TACR1: variants seen among roughly 807,000 people sequenced by gnomAD.
The protein encoded by TACR1 is tachykinin receptor 1.
Under a neutral mutation model 35.8 loss-of-function variants are expected in TACR1, and 25 were observed. That is an observed-to-expected ratio of 0.70 (90% confidence interval 0.51 to 0.98). The LOEUF is 0.98. Among genes scored for constraint, TACR1 ranks in the 50% least tolerant of loss-of-function variants. The pLI is 0.00. For synonymous variants in TACR1, 195 were observed against 206.7 expected (o/e 0.94, Z 0.48); for missense variants, 478 against 522.9 (o/e 0.91, Z 0.84).
At chr2:75,068,566 T>C (rs1040389001) in intron 2 of TACR1, among the ~76,000 whole-genome samples, 7 of 152,202 alleles carry the variant, frequency 4.6e-5, no homozygotes, top group Non-Finnish European at 1.0e-4. Flanking sequence ...TATTAATAGC[T>C]GACACTGATA....
intron 1 of TACR1, among the ~76,000 whole-genome samples, chr2:75,139,304 G>A (rs1039472175): frequency 3.3e-5 from 5 of 152,178 alleles, no homozygotes; most frequent in South Asian, 2.1e-4. Flanking sequence ...TTTGCCTCAG[G>A]TCACACTGCT....
rs1491102755 is a variant in TACR1 at position 75,094,860 on chromosome 2, T to TATATATATATA, written c.584+25713_584+25714insTATATATATAT. 4.0e-3 allele frequency among the ~76,000 whole-genome samples: 203 copies of TATATATATATA among 50,350 alleles called. 1 individual carries two copies. The highest frequency in any genetic ancestry group is 0.031 in the East Asian group (84 of 2,742). The allele number at this position is 50,350 out of a possible 152,430, so 33.0% of individuals were successfully genotyped here. A position where few individuals can be genotyped will look rare whatever the true frequency, so the allele number is the denominator to read the frequency against. ...AAACATATATATATATATATATATA[T>TATATATATATA]TTTTTTTTTTTTTGCCCAAGATGGC... On this transcript the variant is annotated intron_variant, in intron 2 of 4. Coordinates refer to ENST00000305249, the MANE Select transcript of TACR1 (RefSeq NM_001058.4).
chr2:75,198,722 C>T lies in TACR1; in HGVS notation c.213G>A (p.Leu71=). The T allele has an allele frequency of 6.2e-7, 1 of 1,614,184 alleles. No homozygotes were observed. The highest frequency in any genetic ancestry group is 8.5e-7 in the Non-Finnish European group (1 of 1,180,022). ...AGGCCTCCGCGAAGGCCAGGTTCAC[C>T]AGAAAATAGTTCGTCACTGTCCTCA... The part of the protein sequence containing the change: ...KRMRTVTNYF[L]VNLAFAEASM... Residue 71 remains leucine, a synonymous_variant, in exon 1 of 5, where the codon CTG becomes CTA. Transcript: ENST00000305249.
At chr2:75,194,770 G>A (rs1416416946) in intron 1 of TACR1, among the ~76,000 whole-genome samples, 2 of 152,174 alleles carry the variant, frequency 1.3e-5, no homozygotes, top group Non-Finnish European at 2.9e-5. Context: ...GTGAGCAACT[G>A]CTACCTTTCA....
At chr2:75,154,406 G>GCGCGCGCGCGCGCGCGCACACA (rs1264139655) in intron 1 of TACR1, 1 of 78,514 alleles carries the variant, frequency 1.3e-5, no homozygotes, top group Admixed American at 1.3e-4. Flanking sequence ...CCAAGAGCGC[G>GCGCGCGCGCGCGCGCGCACACA]CACGCACACA....
Position 75,198,551 on chromosome 2 carries a change from A to G in TACR1, c.384T>C (p.Phe128=). The change falls in exon 1 of 5, where the codon TTT becomes TTC. Residue 128 remains phenylalanine, a synonymous_variant. Transcript: ENST00000305249. ...TTCACAAAGGCTAATCTCACCTATCAAAGGCCACAGCCGTCATGGAGTAGA... is the reference window on the plus strand; with the variant it reads ...TTCACAAAGGCTAATCTCACCTATCGAAGGCCACAGCCGTCATGGAGTAGA... ...ASIYSMTAVA[F]DRYMAIIHPL... is the part of the protein sequence containing the mutation. 1 of 1,612,262 alleles carries G rather than the reference A, an allele frequency of 6.2e-7. No homozygotes were observed. The highest frequency in any genetic ancestry group is 8.5e-7 in the Non-Finnish European group (1 of 1,178,406).
At chr2:75,154,526 A>ACACACACACACACACACACACACTCT (rs1379600710) in intron 1 of TACR1, 1 of 117,144 alleles carries the variant, frequency 8.5e-6, no homozygotes, top group African/African-American at 4.5e-5. Context: ...ACACACACAC[A>ACACACACACACACACACACACACTCT]CTCTCTGAAG....
At chr2:75,124,071 C>T (rs1237422185) in intron 1 of TACR1, among the ~76,000 whole-genome samples, 3 of 152,142 alleles carry the variant, frequency 2.0e-5, no homozygotes, top group Non-Finnish European at 4.4e-5. Flanking sequence ...AGGCTGCCAG[C>T]GACAGGGATC....
At chr2:75,136,112 T>A (rs543977668) in intron 1 of TACR1, among the ~76,000 whole-genome samples, 1 of 152,074 alleles carries the variant, frequency 6.6e-6, no homozygotes, top group Non-Finnish European at 1.5e-5. Context: ...TGGGCAGGGG[T>A]TGGCGGAACT....
chr2:75,066,971 C>T (rs999361204), intron 2 of TACR1, among the ~76,000 whole-genome samples: 28 of 152,092 alleles, frequency 1.8e-4, no homozygotes, highest in African/African-American at 6.5e-4. Flanking sequence ...GCAACCTCCT[C>T]GTCTTACAAA....
intron 1 of TACR1, among the ~76,000 whole-genome samples, chr2:75,137,364 A>C (rs1674312752): frequency 6.6e-6 from 1 of 152,228 alleles, no homozygotes; most frequent in African/African-American, 2.4e-5. Context: ...ATATAGGTAG[A>C]GTGGTCACGC....
intron 1 of TACR1, chr2:75,154,401 A>AGCGCTC: frequency 1.3e-5 from 1 of 76,444 alleles, no homozygotes; most frequent in Non-Finnish European, 2.7e-5. Context: ...ATCAGCCAAG[A>AGCGCTC]GCGCGCACGC....
intron 1 of TACR1, chr2:75,156,282 A>G (rs940149892): frequency 6.6e-6 from 1 of 152,264 alleles, no homozygotes; most frequent in South Asian, 2.1e-4. Context: ...CAAGCCAAGG[A>G]ACCTCTGGAA....
chr2:75,138,845 A>G (rs879753085), intron 1 of TACR1, among the ~76,000 whole-genome samples: 18 of 152,194 alleles, frequency 1.2e-4, no homozygotes, highest in Non-Finnish European at 2.2e-4. Flanking sequence ...ACACAGAGGA[A>G]GAGATCATAA....
chr2:75,181,432 T>C (rs1020731021), intron 1 of TACR1, among the ~76,000 whole-genome samples: 1 of 152,202 alleles, frequency 6.6e-6, no homozygotes, highest in Non-Finnish European at 1.5e-5. Flanking sequence ...GGTTCTTAAC[T>C]GTCTGATGTT....
At chr2:75,064,701 C>T (rs370718271) in intron 2 of TACR1, among the ~76,000 whole-genome samples, 4 of 152,138 alleles carry the variant, frequency 2.6e-5, no homozygotes, top group African/African-American at 7.2e-5. Context: ...TATCTGAGTG[C>T]GAATTCAAGA....
chr2:75,053,005 T>C (rs1419074113), intron 3 of TACR1, among the ~76,000 whole-genome samples: 1 of 152,196 alleles, frequency 6.6e-6, no homozygotes, highest in Non-Finnish European at 1.5e-5. Flanking sequence ...TGACCATTCA[T>C]CAAACTACTG....
intron 2 of TACR1, among the ~76,000 whole-genome samples, chr2:75,106,526 T>C (rs1468092444): frequency 6.6e-6 from 1 of 152,000 alleles, no homozygotes; most frequent in African/African-American, 2.4e-5. Context: ...CTGACATATA[T>C]TGTAGAACAC....
At chr2:75,181,095 A>G (rs1675548320) in intron 1 of TACR1, among the ~76,000 whole-genome samples, 1 of 152,134 alleles carries the variant, frequency 6.6e-6, no homozygotes, top group African/African-American at 2.4e-5. Context: ...AAATCTTCCA[A>G]TTCCACCCTC....
Sources: allele counts gnomAD v4.1 joint callset (sites outside exome capture counted in the v4.1 genomes callset), GRCh38; gene constraint gnomAD v4.1.1; transcripts MANE v1.5; gene names NCBI Gene and HGNC (gene_info 2026-07-23, HGNC 2026-07-21).